Variants in RAB27B observed in about 807,000 individuals in gnomAD.
The protein encoded by RAB27B is ras-related protein Rab-27B.
In RAB27B, 15 loss-of-function variants were observed where a neutral mutation model predicts 24.6. The observed-to-expected ratio is 0.61, with a 90% CI of 0.41 to 0.94. The LOEUF (loss-of-function observed/expected upper bound fraction) is 0.94. Among genes scored for constraint, RAB27B ranks in the 40% least tolerant of loss-of-function variants. The pLI is 0.00. For synonymous variants in RAB27B, 105 were observed against 92.5 expected (o/e 1.14, Z -0.78); for missense variants, 261 against 266.8 (o/e 0.98, Z 0.15).
chr18:54,841,170 T>TG (rs1911105056), intron 1 of RAB27B, among the ~76,000 whole-genome samples: 2 of 27,262 alleles, frequency 7.3e-5, no homozygotes, highest in Non-Finnish European at 1.0e-4. Flanking sequence ...GGTGGGGGGT[T>TG]TGGTGAGAGG....
At chr18:54,824,856 A>G (rs1200599354), upstream of RAB27B, among the ~76,000 whole-genome samples, 1 of 151,970 alleles carries the variant, frequency 6.6e-6, no homozygotes, top group Non-Finnish European at 1.5e-5. Flanking sequence ...TTCCTACTGC[A>G]AGCCATCTGT....
chr18:54,726,432 C>T (rs1033807767), intron 2 of RAB27B, among the ~76,000 whole-genome samples: 5 of 151,356 alleles, frequency 3.3e-5, no homozygotes, highest in African/African-American at 1.2e-4. Flanking sequence ...TAAGATTTTC[C>T]CCACAGCCTG....
At chr18:54,824,501 A>ATCTAGGGGCTTTCATGTCT (rs1475487256), upstream of RAB27B, among the ~76,000 whole-genome samples, 6 of 152,122 alleles carry the variant, frequency 3.9e-5, no homozygotes, top group Non-Finnish European at 7.4e-5. Flanking sequence ...ATGACTTTTC[A>ATCTAGGGGCTTTCATGTCT]TCTAGGGGCT....
chr18:54,884,423 C>G lies in RAB27B; in HGVS notation c.330C>G (p.Val110=). Residue 110 remains valine, a synonymous_variant, in exon 4 of 6, where the codon GTC becomes GTG. Coordinates refer to ENST00000262094, the MANE Select transcript of RAB27B (RefSeq NM_004163.4). ...DLTSQQSFLN[V]RNWMSQLQAN... ...CCAGTCAACAGAGCTTCTTAAATGT[C>G]AGAAACTGGATGAGTAAGTGGGACT... 1.2e-6 allele frequency: 2 copies of G among 1,606,590 alleles called. No individual in the cohort carries two copies. Among genetic ancestry groups the G allele is most frequent in the Non-Finnish European group, 1.7e-6 (2 of 1,173,650 alleles).
At chr18:54,733,781 A>G (rs1310284144) in intron 2 of RAB27B, among the ~76,000 whole-genome samples, 4 of 151,692 alleles carry the variant, frequency 2.6e-5, no homozygotes, top group Middle Eastern at 3.2e-3. Context: ...AGTTGCTGCC[A>G]TACTTGATTA....
chr18:54,830,733 G>T (rs1442253644), intron 1 of RAB27B, among the ~76,000 whole-genome samples: 2 of 152,090 alleles, frequency 1.3e-5, no homozygotes, highest in African/African-American at 4.8e-5. Context: ...GGAGTTGATA[G>T]TATTACTCAA....
intron 2 of RAB27B, among the ~76,000 whole-genome samples, chr18:54,750,233 A>T (rs953243435): frequency 6.6e-6 from 1 of 152,178 alleles, no homozygotes; most frequent in Non-Finnish European, 1.5e-5. Context: ...CAGCGCTAGA[A>T]TATTAGAAAA....
chr18:54,722,055 A>G (rs1388295042), intron 2 of RAB27B, among the ~76,000 whole-genome samples: 2 of 152,206 alleles, frequency 1.3e-5, no homozygotes, highest in Non-Finnish European at 2.9e-5. Flanking sequence ...GAAAAATGAG[A>G]TGATATATGT....
chr18:54,837,692 T>G (rs1910950310), intron 1 of RAB27B, among the ~76,000 whole-genome samples: 1 of 152,088 alleles, frequency 6.6e-6, no homozygotes, highest in South Asian at 2.1e-4. Flanking sequence ...TTTCTTTATT[T>G]TCTGCAAGCA....
chr18:54,785,675 C>T (rs994151672), intron 2 of RAB27B, among the ~76,000 whole-genome samples: 1 of 152,050 alleles, frequency 6.6e-6, no homozygotes, highest in Admixed American at 6.6e-5. Context: ...GTTTTGTTCC[C>T]TGTTCTATGC....
At chr18:54,798,493 T>C (rs751395431) in intron 2 of RAB27B, among the ~76,000 whole-genome samples, 2 of 152,220 alleles carry the variant, frequency 1.3e-5, no homozygotes, top group African/African-American at 4.8e-5. Context: ...CTCCACTCCA[T>C]CCTGGGGCTA....
chr18:54,876,290 C>T (rs997384769), intron 1 of RAB27B, among the ~76,000 whole-genome samples: 1 of 152,122 alleles, frequency 6.6e-6, no homozygotes, highest in Non-Finnish European at 1.5e-5. Flanking sequence ...ATGGGGATTA[C>T]AATTCAAGAT....
At position 54,890,437 on chromosome 18, in the gene RAB27B, G is replaced by T. The variant is rs961512517; in HGVS notation, c.*1024G>T. On this transcript the variant is annotated 3_prime_UTR_variant, in exon 6 of 6. Transcript: ENST00000262094. ...GAATTTTTTTTAGATAAAATAAGATGGTGATATGAAACAAAAAGTGGCAAT... is the reference window on the plus strand; with the variant it reads ...GAATTTTTTTTAGATAAAATAAGATTGTGATATGAAACAAAAAGTGGCAAT... The T allele has an allele frequency of 6.6e-6, 1 of 152,036 alleles. No homozygotes were observed. Among genetic ancestry groups the T allele is most frequent in the Admixed American group, 6.6e-5 (1 of 15,250 alleles). 9.4% of individuals were successfully genotyped at this position (152,036 alleles called of 1,614,324 possible). A position where few individuals can be genotyped will look rare whatever the true frequency, so the allele number is the denominator to read the frequency against.
intron 1 of RAB27B, among the ~76,000 whole-genome samples, chr18:54,864,458 CT>C (rs1421215616): frequency 1.3e-5 from 2 of 151,508 alleles, no homozygotes; most frequent in East Asian, 1.9e-4. Flanking sequence ...TTGTATTTTC[CT>C]TTTTTTCATG....
chr18:54,733,583 A>G (rs1568045811), intron 2 of RAB27B, among the ~76,000 whole-genome samples: 1 of 151,694 alleles, frequency 6.6e-6, no homozygotes, highest in Non-Finnish European at 1.5e-5. Flanking sequence ...AACCAACCCC[A>G]AAACATTCCG....
At chr18:54,846,177 T>C (rs974087364) in intron 1 of RAB27B, among the ~76,000 whole-genome samples, 2 of 152,200 alleles carry the variant, frequency 1.3e-5, no homozygotes, top group East Asian at 1.9e-4. Flanking sequence ...AGAAGATACA[T>C]AGATAAGTTT....
chr18:54,869,917 C>T (rs1158179892), intron 1 of RAB27B, among the ~76,000 whole-genome samples: 1 of 151,932 alleles, frequency 6.6e-6, no homozygotes, highest in African/African-American at 2.4e-5. Flanking sequence ...ACAAAACTGA[C>T]CTAAGAAAAA....
intron 2 of RAB27B, among the ~76,000 whole-genome samples, chr18:54,812,067 C>T (rs1254163203): frequency 6.6e-6 from 1 of 152,172 alleles, no homozygotes; most frequent in Non-Finnish European, 1.5e-5. Flanking sequence ...GTAATAAGCA[C>T]ACTTGCTAAT....
At chr18:54,761,880 G>A (rs1908201051) in intron 2 of RAB27B, among the ~76,000 whole-genome samples, 1 of 152,124 alleles carries the variant, frequency 6.6e-6, no homozygotes, top group Admixed American at 6.6e-5. Context: ...CCCACCCAGA[G>A]TCTCCTAATG....
Sources: allele counts gnomAD v4.1 joint callset (sites outside exome capture counted in the v4.1 genomes callset), GRCh38; gene constraint gnomAD v4.1.1; transcripts MANE v1.5; gene names NCBI Gene and HGNC (gene_info 2026-07-23, HGNC 2026-07-21).